DPP6: variants seen among roughly 807,000 people sequenced by gnomAD.
The protein encoded by DPP6 is dipeptidyl peptidase like 6.
A neutral mutation model predicts 122.6 loss-of-function variants in DPP6; 69 were observed. The observed-to-expected ratio is 0.56, with a 90% CI of 0.46 to 0.69. The LOEUF (loss-of-function observed/expected upper bound fraction) is 0.69, where lower values mean the gene tolerates loss of function less well. Among genes scored for constraint, DPP6 ranks in the 30% least tolerant of loss-of-function variants. DPP6 has a pLI of 0.00. For missense variants in DPP6, 928 were observed against 1,116.9 expected (o/e 0.83, Z 2.41); for synonymous variants, 418 against 433.1 (o/e 0.97, Z 0.43).
intron 1 of DPP6, among the ~76,000 whole-genome samples, chr7:154,340,777 G>A (rs1809859576): frequency 1.3e-5 from 2 of 152,156 alleles, no homozygotes; most frequent in Admixed American, 1.3e-4. Context: ...CTTAGTCGCT[G>A]TTATTATACC....
chr7:153,928,574 C>T lies in DPP6; in HGVS notation c.51+40840C>T, dbSNP rs1238734725. 2.0e-5 allele frequency among the ~76,000 whole-genome samples: 3 copies of T among 151,634 alleles called. No homozygotes were observed. The East Asian group carries it at 5.8e-4, about 29-fold the overall frequency. On this transcript the variant is annotated intron_variant, in intron 1 of 25. Transcript: ENST00000404039. ...TTTTCTGAGTCAAAGAGGGTGACTT[C>T]TTGCTATGTCTTCACATGGTACAGG...
Position 154,753,143 on chromosome 7 carries a change from A to G in DPP6, c.884-16274A>G, listed in dbSNP as rs1474245633. Among the ~76,000 whole-genome samples, 5 of 152,114 alleles carry G rather than the reference A, an allele frequency of 3.3e-5. No homozygotes were observed. The East Asian group carries it at 5.8e-4, about 18-fold the overall frequency. On this transcript the variant is annotated intron_variant, in intron 8 of 25. Transcript: ENST00000377770. ...ACGCTTGCCTCCTGCGGTCCTGCCC[A>G]GGCTACAAAGTTGACATTGTCTCCT... is the stretch of plus-strand genomic sequence containing the variant.
At chr7:153,868,938 C>A in the DPP6 span, among the ~76,000 whole-genome samples, 2 of 152,164 alleles carry the variant, frequency 1.3e-5, no homozygotes, top group Non-Finnish European at 2.9e-5. Context: ...GCAGGTTGTT[C>A]AGTTTCCATG....
intron 5 of DPP6, among the ~76,000 whole-genome samples, chr7:154,595,909 A>C (rs2130752446): frequency 6.6e-6 from 1 of 152,276 alleles, no homozygotes; most frequent in Middle Eastern, 3.4e-3. Flanking sequence ...AAATACAAAA[A>C]AATTAGCCAG....
chr7:154,447,024 A>C (rs10248680), intron 2 of DPP6, among the ~76,000 whole-genome samples: 8,692 of 152,222 alleles, frequency 0.057, 811 homozygotes, highest in African/African-American at 0.2. Flanking sequence ...AATAATATAG[A>C]GCTGGACATG....
chr7:153,833,693 G>T, the DPP6 span, among the ~76,000 whole-genome samples: 1 of 151,538 alleles, frequency 6.6e-6, no homozygotes, highest in African/African-American at 2.4e-5. Context: ...AAAGGTGGGG[G>T]TGTGTGGGGA....
chr7:154,552,577 G>T (rs1298082517), intron 4 of DPP6, among the ~76,000 whole-genome samples: 1 of 152,174 alleles, frequency 6.6e-6, no homozygotes, highest in Non-Finnish European at 1.5e-5. Flanking sequence ...GGTCCATGGA[G>T]GTCACTCCAA....
At chr7:153,799,415 C>T in the DPP6 span, among the ~76,000 whole-genome samples, 1 of 152,100 alleles carries the variant, frequency 6.6e-6, no homozygotes, top group South Asian at 2.1e-4. Context: ...CCCATTTTTC[C>T]TTGAGGGAGC....
At chr7:153,892,634 C>CAGTAATGCAAT (rs1159710348) in intron 1 of DPP6, among the ~76,000 whole-genome samples, 47 of 152,284 alleles carry the variant, frequency 3.1e-4, no homozygotes, top group African/African-American at 1.1e-3. Context: ...GTGGGGACAG[C>CAGTAATGCAAT]ATTTCTAGGA....
intron 1 of DPP6, among the ~76,000 whole-genome samples, chr7:154,215,761 T>A (rs1268150797): frequency 6.6e-6 from 1 of 152,004 alleles, no homozygotes; most frequent in Non-Finnish European, 1.5e-5. Context: ...AATAGTTTAC[T>A]TGCACTTTGA....
At chr7:154,477,670 CT>C (rs1480617926) in intron 3 of DPP6, among the ~76,000 whole-genome samples, 2 of 152,198 alleles carry the variant, frequency 1.3e-5, no homozygotes, top group Admixed American at 6.5e-5. Flanking sequence ...CACTGGCTTT[CT>C]GGCCAGAGGA....
chr7:153,959,276 A>G (rs1416259812), intron 1 of DPP6, among the ~76,000 whole-genome samples: 1 of 148,968 alleles, frequency 6.7e-6, no homozygotes, highest in Non-Finnish European at 1.5e-5. Flanking sequence ...GCTCGTTACT[A>G]ATGGGTCCTA....
In DPP6 at chr7:154,365,957, CAAAAAAAAAAA is replaced by C. The variant is rs35516153; in HGVS notation, c.244-80245_244-80235del. Among the ~76,000 whole-genome samples the C allele has an allele frequency of 6.6e-5, 5 of 75,944 alleles. No homozygotes were observed. In the East Asian group the frequency reaches 2.2e-3, roughly 33 times the overall value. 49.8% of individuals were successfully genotyped at this position (75,944 alleles called of 152,430 possible). ...TGGGCGACAGAGCGAGACTCCGTCT[CAAAAAAAAAAA>C]AAAAAAAAAAAGTGGGGAAGGGGAA... On this transcript the variant is annotated intron_variant, in intron 1 of 25. Coordinates refer to ENST00000377770, the MANE Select transcript of DPP6 (RefSeq NM_130797.4).
intron 1 of DPP6, among the ~76,000 whole-genome samples, chr7:154,204,497 G>T (rs1466346686): frequency 6.6e-6 from 1 of 152,152 alleles, no homozygotes; most frequent in East Asian, 1.9e-4. Context: ...ACTTAAGGGT[G>T]CTTCTGATAT....
At chr7:154,363,104 T>C (rs1811871838) in intron 1 of DPP6, among the ~76,000 whole-genome samples, 1 of 152,190 alleles carries the variant, frequency 6.6e-6, no homozygotes, top group Non-Finnish European at 1.5e-5. Context: ...CAGTGAGGGT[T>C]TCCAAAGCTC....
chr7:154,761,298 G>A lies in DPP6; in HGVS notation c.884-8119G>A, dbSNP rs373480269. ...AGGGGCAGGTCTTGCTCACTCACGC[G>A]TCCATGGCTGACGCTGGCTGCTAGA... is the stretch of plus-strand genomic sequence containing the variant. On this transcript the variant is annotated intron_variant, in intron 8 of 25. Transcript: ENST00000377770. 1.8e-4 allele frequency among the ~76,000 whole-genome samples: 27 copies of A among 152,310 alleles called. No individual in the cohort carries two copies. The East Asian group carries it at 4.1e-3, about 23-fold the overall frequency.
At chr7:154,051,158 C>T (rs1338456934), upstream of DPP6, among the ~76,000 whole-genome samples, 2 of 124,392 alleles carry the variant, frequency 1.6e-5, 1 homozygote, top group Non-Finnish European at 3.6e-5. Flanking sequence ...CATGGAAACC[C>T]GGAAGGAGCA....
At chr7:154,435,320 T>G (rs1038914189) in intron 1 of DPP6, among the ~76,000 whole-genome samples, 3 of 152,042 alleles carry the variant, frequency 2.0e-5, no homozygotes, top group Non-Finnish European at 4.4e-5. Context: ...CCAAATTCAT[T>G]GCACGTTCCT....
chr7:154,124,031 G>A (rs951714998), intron 1 of DPP6, among the ~76,000 whole-genome samples: 5 of 151,772 alleles, frequency 3.3e-5, no homozygotes, highest in Admixed American at 6.5e-5. Context: ...CAGACATGCC[G>A]CCCACGCACG....
Sources: allele counts gnomAD v4.1 joint callset (sites outside exome capture counted in the v4.1 genomes callset), GRCh38; gene constraint gnomAD v4.1.1; transcripts MANE v1.5; gene names NCBI Gene and HGNC (gene_info 2026-07-23, HGNC 2026-07-21).